Variants in ZNF385D observed in about 807,000 individuals in gnomAD.
ZNF385D encodes the protein zinc finger protein 385D.
Under a neutral mutation model 35.8 loss-of-function variants are expected in ZNF385D, and 15 were observed. The observed-to-expected ratio is 0.42, with a 90% CI of 0.28 to 0.64. ZNF385D has a LOEUF of 0.64. ZNF385D is among the 30% of genes least tolerant of loss of function. ZNF385D has a pLI of 0.23. For synonymous variants in ZNF385D, 212 were observed against 186.8 expected (o/e 1.13, Z -1.10); for missense variants, 474 against 494.6 (o/e 0.96, Z 0.39).
chr3:22,123,002 T>A (rs1703179329), intron 3 of ZNF385D, among the ~76,000 whole-genome samples: 1 of 152,218 alleles, frequency 6.6e-6, no homozygotes, highest in South Asian at 2.1e-4. Context: ...ACTACTTTTA[T>A]TCCAAATGCA....
chr3:22,202,888 T>G (rs1696896809), intron 2 of ZNF385D, among the ~76,000 whole-genome samples: 1 of 152,120 alleles, frequency 6.6e-6, no homozygotes, highest in Non-Finnish European at 1.5e-5. Context: ...TGGTTGAAAC[T>G]TGAGTTTTGG....
chr3:21,544,384 T>C (rs900041889), intron 3 of ZNF385D, among the ~76,000 whole-genome samples: 7 of 152,216 alleles, frequency 4.6e-5, no homozygotes, highest in African/African-American at 1.7e-4. Flanking sequence ...TTTATCGACA[T>C]TACTAGAAAT....
Position 21,424,017 on chromosome 3 carries a change from C to A in ZNF385D, c.900G>T (p.Pro300=). 2 of 1,604,110 alleles carry A rather than the reference C, an allele frequency of 1.2e-6. No homozygotes were observed. Among genetic ancestry groups the A allele is most frequent in the Non-Finnish European group, 1.7e-6 (2 of 1,176,856 alleles). The change falls in exon 7 of 8, where the codon CCG becomes CCT. Residue 300 remains proline, a synonymous_variant. Transcript: ENST00000281523. The part of the protein sequence containing the change: ...RHKDRAAGKP[P]KPKYSPYNKL... Reference sequence around the variant, plus strand: ...TGTTGTAAGGACTGTATTTAGGTTTCGGGGGCTTCCCAGCAGCTCTGTCTT... The same window carrying A: ...TGTTGTAAGGACTGTATTTAGGTTTAGGGGGCTTCCCAGCAGCTCTGTCTT...
At chr3:21,461,549 A>AAAAC (rs563136778) in intron 4 of ZNF385D, among the ~76,000 whole-genome samples, 89 of 151,258 alleles carry the variant, frequency 5.9e-4, no homozygotes, top group African/African-American at 1.4e-3. Flanking sequence ...CTCTATCTCA[A>AAAAC]AAACAAACAA....
intron 3 of ZNF385D, among the ~76,000 whole-genome samples, chr3:21,761,908 C>A (rs2070632726): frequency 8.9e-6 from 1 of 111,912 alleles, no homozygotes. Flanking sequence ...GAGACGGAGT[C>A]TCGCTCTGTC....
At chr3:21,526,598 T>C (rs1708239707) in intron 3 of ZNF385D, among the ~76,000 whole-genome samples, 1 of 152,112 alleles carries the variant, frequency 6.6e-6, no homozygotes, top group Admixed American at 6.6e-5. Flanking sequence ...TGATAAGAGC[T>C]TCTGAAAGGG....
chr3:21,767,443 T>C (rs1157471529), intron 3 of ZNF385D, among the ~76,000 whole-genome samples: 3 of 152,104 alleles, frequency 2.0e-5, no homozygotes, highest in African/African-American at 7.2e-5. Context: ...ATAACTCTTT[T>C]ACATGCTTCC....
chr3:21,750,776 C>A lies in ZNF385D; in HGVS notation c.22+119G>T, dbSNP rs572848497. 3.6e-5 allele frequency: 47 copies of A among 1,289,870 alleles called. No individual in the cohort carries two copies. In the South Asian group the frequency reaches 6.0e-4, roughly 16 times the overall value. The allele number at this position is 1,289,870 out of a possible 1,614,324, so 79.9% of individuals were successfully genotyped here. On this transcript the variant is annotated intron_variant, in intron 1 of 7. Transcript: ENST00000281523. ...TGCACCGGCTTGGTCCTCCAGTTGCCAACTGGAGGTAGGTTTAATGTAACA... is the reference window on the plus strand; with the variant it reads ...TGCACCGGCTTGGTCCTCCAGTTGCAAACTGGAGGTAGGTTTAATGTAACA...
chr3:22,071,877 C>T (rs936525986), intron 3 of ZNF385D, among the ~76,000 whole-genome samples: 1 of 151,972 alleles, frequency 6.6e-6, no homozygotes, highest in African/African-American at 2.4e-5. Flanking sequence ...TTGATGATGG[C>T]CCCATCATAA....
At chr3:22,219,902 T>C (rs1032522411) in intron 2 of ZNF385D, among the ~76,000 whole-genome samples, 2 of 152,150 alleles carry the variant, frequency 1.3e-5, no homozygotes, top group East Asian at 3.9e-4. Context: ...CTGTATTCTA[T>C]GCCTCTTTTC....
In ZNF385D at chr3:21,547,620, GT is replaced by G. The variant is rs113689036; in HGVS notation, c.276+16953del. Among the ~76,000 whole-genome samples, 960 of 141,084 alleles carry G rather than the reference GT, an allele frequency of 6.8e-3. 7 individuals carry two copies. The highest frequency in any genetic ancestry group is 0.021 in the African/African-American group (813 of 38,882). The allele number at this position is 141,084 out of a possible 152,430, so 92.6% of individuals were successfully genotyped here. On this transcript the variant is annotated intron_variant, in intron 3 of 7. Coordinates refer to ENST00000281523, the MANE Select transcript of ZNF385D (RefSeq NM_024697.3). Reference sequence around the variant, plus strand: ...TTAGATGTACTTTTTGTTTTGTTTTGTTTTTTTTTTTTTGAGACAAGAGTCT... The same window carrying G: ...TTAGATGTACTTTTTGTTTTGTTTTGTTTTTTTTTTTTGAGACAAGAGTCT...
upstream of ZNF385D, among the ~76,000 whole-genome samples, chr3:21,755,810 T>A (rs1354661408): frequency 6.6e-6 from 1 of 152,218 alleles, no homozygotes; most frequent in African/African-American, 2.4e-5. Context: ...ATCTTATGAA[T>A]GCCTATCATG....
intron 2 of ZNF385D, among the ~76,000 whole-genome samples, chr3:21,625,284 C>T (rs749420972): frequency 2.0e-5 from 3 of 151,902 alleles, no homozygotes; most frequent in East Asian, 1.9e-4. Flanking sequence ...GTGCTTTTGC[C>T]GTTCTCGTTG....
chr3:21,813,755 G>T (rs541160811), intron 3 of ZNF385D, among the ~76,000 whole-genome samples: 1 of 152,262 alleles, frequency 6.6e-6, no homozygotes, highest in African/African-American at 2.4e-5. Flanking sequence ...CGGGGAGAAT[G>T]GAACCAAGTT....
chr3:22,161,678 G>C (rs1215788267), intron 3 of ZNF385D, among the ~76,000 whole-genome samples: 1 of 152,116 alleles, frequency 6.6e-6, no homozygotes, highest in Non-Finnish European at 1.5e-5. Context: ...AGAATATATA[G>C]TGATAAATTA....
intron 3 of ZNF385D, among the ~76,000 whole-genome samples, chr3:21,819,673 T>C (rs998895455): frequency 6.8e-6 from 1 of 147,010 alleles, no homozygotes; most frequent in South Asian, 2.1e-4. Flanking sequence ...ATTAATTATA[T>C]ATAATTATCT....
At chr3:21,722,759 C>G (rs553278184) in intron 1 of ZNF385D, among the ~76,000 whole-genome samples, 3 of 152,332 alleles carry the variant, frequency 2.0e-5, no homozygotes, top group South Asian at 4.1e-4. Flanking sequence ...AATTTTGAAG[C>G]CTGCTGGCAC....
At chr3:21,446,867 G>T (rs1414754220) in intron 4 of ZNF385D, among the ~76,000 whole-genome samples, 2 of 152,162 alleles carry the variant, frequency 1.3e-5, no homozygotes, top group Middle Eastern at 3.4e-3. Flanking sequence ...CTGATCTTTG[G>T]AGCAGAGAAA....
At chr3:21,927,633 G>A (rs886220315) in intron 3 of ZNF385D, among the ~76,000 whole-genome samples, 4 of 152,124 alleles carry the variant, frequency 2.6e-5, no homozygotes, top group Non-Finnish European at 4.4e-5. Flanking sequence ...TTTAAAATAA[G>A]TTTAAGCAAA....
Sources: allele counts gnomAD v4.1 joint callset (sites outside exome capture counted in the v4.1 genomes callset), GRCh38; gene constraint gnomAD v4.1.1; transcripts MANE v1.5; gene names NCBI Gene and HGNC (gene_info 2026-07-23, HGNC 2026-07-21).